The following CRACDL variants were observed in gnomAD, a reference collection of about 807,000 sequenced individuals.
CRACDL encodes the protein CRACD like.
CRACDL carries 26 observed loss-of-function variants against 70.6 expected under a neutral mutation model. The observed-to-expected ratio is 0.37, with a 90% CI of 0.27 to 0.51. CRACDL has a LOEUF of 0.51. CRACDL is among the 20% of genes least tolerant of loss of function. The pLI, the probability that CRACDL is intolerant of heterozygous loss-of-function variation, is 0.94. For synonymous variants in CRACDL, 618 were observed against 615.2 expected, an observed-to-expected ratio of 1.00 and a Z score of -0.07; for missense variants, 1,283 against 1,376.9, an observed-to-expected ratio of 0.93 and a Z score of 1.08.
chr2:98,858,986 G>A (rs142864288), intron 1 of CRACDL, among the ~76,000 whole-genome samples: 1 of 152,182 alleles, frequency 6.6e-6, no homozygotes, highest in African/African-American at 2.4e-5. Flanking sequence ...AAAGAGATTA[G>A]TAATTGTAAA....
intron 7 of CRACDL, among the ~76,000 whole-genome samples, chr2:98,813,625 G>A (rs1704663376): frequency 1.3e-5 from 2 of 151,952 alleles, no homozygotes; most frequent in East Asian, 3.9e-4. Context: ...AAAAATTTTA[G>A]AAAAAAATAT....
chr2:98,895,527 G>A (rs1435428891), intron 1 of CRACDL, among the ~76,000 whole-genome samples: 2 of 152,146 alleles, frequency 1.3e-5, no homozygotes, highest in Non-Finnish European at 2.9e-5. Context: ...AACATAACCT[G>A]CTCAAGGCCC....
chr2:98,812,492 T>C (rs1704615388), intron 7 of CRACDL, among the ~76,000 whole-genome samples: 1 of 152,250 alleles, frequency 6.6e-6, no homozygotes, highest in Non-Finnish European at 1.5e-5. Context: ...GAGAATTGCA[T>C]TTTCTCCACA....
chr2:98,880,242 G>A (rs1030610491), intron 1 of CRACDL, among the ~76,000 whole-genome samples: 2 of 152,214 alleles, frequency 1.3e-5, no homozygotes, highest in African/African-American at 4.8e-5. Context: ...AGAGTGACCA[G>A]AGGAGGACGG....
intron 1 of CRACDL, among the ~76,000 whole-genome samples, chr2:98,859,640 G>C (rs1361623918): frequency 6.6e-6 from 1 of 152,050 alleles, no homozygotes; most frequent in Non-Finnish European, 1.5e-5. Flanking sequence ...AACAAACTAG[G>C]AATTGACAAA....
intron 1 of CRACDL, among the ~76,000 whole-genome samples, chr2:98,905,767 G>A (rs975859676): frequency 6.6e-6 from 1 of 151,940 alleles, no homozygotes; most frequent in Non-Finnish European, 1.5e-5. Context: ...ACAGGCACAT[G>A]CCACCATGCC....
At chr2:98,834,085 T>C (rs1390188484) in intron 3 of CRACDL, among the ~76,000 whole-genome samples, 1 of 152,204 alleles carries the variant, frequency 6.6e-6, no homozygotes, top group East Asian at 1.9e-4. Flanking sequence ...AGGACCTCCC[T>C]GCCAAGGGCA....
chr2:98,932,524 G>A (rs186736357), intron 1 of CRACDL, among the ~76,000 whole-genome samples: 11 of 152,260 alleles, frequency 7.2e-5, no homozygotes, highest in Non-Finnish European at 1.5e-4. Flanking sequence ...CTCTGATGAT[G>A]AGGCAGCAAC....
At chr2:98,804,686 T>C (rs957223666) in intron 7 of CRACDL, among the ~76,000 whole-genome samples, 1 of 152,208 alleles carries the variant, frequency 6.6e-6, no homozygotes, top group Admixed American at 6.5e-5. Flanking sequence ...GGAGATAATG[T>C]GTGTTTCAGA....
chr2:98,837,206 G>GA (rs34735420), intron 3 of CRACDL, among the ~76,000 whole-genome samples: 2,623 of 113,756 alleles, frequency 0.023, 52 homozygotes, highest in Middle Eastern at 0.049. Context: ...ACCCAAAACT[G>GA]AAAAAAAAAA....
chr2:98,831,479 CA>C (rs1010553675), intron 5 of CRACDL, among the ~76,000 whole-genome samples: 14 of 152,212 alleles, frequency 9.2e-5, no homozygotes, highest in African/African-American at 2.9e-4. Context: ...CCAGAGGTGA[CA>C]GGGGAAGGTG....
At chr2:98,891,054 AAAAT>A (rs542567722) in intron 1 of CRACDL, among the ~76,000 whole-genome samples, 12 of 151,800 alleles carry the variant, frequency 7.9e-5, no homozygotes, top group South Asian at 2.1e-4. Context: ...CTCCATCTCA[AAAAT>A]AAATAAATAA....
intron 2 of CRACDL, among the ~76,000 whole-genome samples, chr2:98,838,717 T>TCAG (rs1413039232): frequency 2.6e-5 from 4 of 152,200 alleles, no homozygotes; most frequent in Non-Finnish European, 5.9e-5. Flanking sequence ...CTAGTGTGAA[T>TCAG]ACAGCATCAA....
At chr2:98,805,931 C>T (rs1704272792) in intron 7 of CRACDL, among the ~76,000 whole-genome samples, 1 of 152,248 alleles carries the variant, frequency 6.6e-6, no homozygotes, top group Non-Finnish European at 1.5e-5. Context: ...GGCAGAAAGA[C>T]AAAAGCCACT....
chr2:98,864,084 G>A (rs1292700404), intron 1 of CRACDL, among the ~76,000 whole-genome samples: 1 of 151,990 alleles, frequency 6.6e-6, no homozygotes, highest in African/African-American at 2.4e-5. Context: ...CAACTAAAAC[G>A]TGCACAAAAA....
rs560685640 is a variant in CRACDL, at chr2:98,823,752, T to C, written c.736-215A>G. 8.5e-5 allele frequency among the ~76,000 whole-genome samples: 13 copies of C among 152,256 alleles called. No homozygotes were observed. Among genetic ancestry groups the C allele is most frequent in the Non-Finnish European group, 1.9e-4 (13 of 68,028 alleles). ...TTATCAGGACAATGGCAGATATGCC[T>C]CCAAAGTAAATGTCTACAGCTCCTC... On this transcript the variant is annotated intron_variant, in intron 6 of 9. Coordinates refer to ENST00000397899, the MANE Select transcript of CRACDL (RefSeq NM_207362.3). The surrounding 1 kb of genome is among the most constrained non-coding windows in gnomAD (Gnocchi z 4.0).
intron 1 of CRACDL, among the ~76,000 whole-genome samples, chr2:98,869,591 A>G (rs926911001): frequency 6.6e-6 from 1 of 152,214 alleles, no homozygotes; most frequent in African/African-American, 2.4e-5. Flanking sequence ...AGGAAGAAAG[A>G]GGAATGCTGA....
chr2:98,892,297 T>C (rs1398957945), intron 1 of CRACDL, among the ~76,000 whole-genome samples: 1 of 151,940 alleles, frequency 6.6e-6, no homozygotes, highest in Non-Finnish European at 1.5e-5. Context: ...TATTCCTTGG[T>C]AAGAGAATGA....
chr2:98,841,240 T>G (rs1706013665), intron 2 of CRACDL, among the ~76,000 whole-genome samples: 1 of 152,166 alleles, frequency 6.6e-6, no homozygotes, highest in African/African-American at 2.4e-5. Context: ...CTTTAACTCT[T>G]AACTGGAACA....
Sources: allele counts gnomAD v4.1 joint callset (sites outside exome capture counted in the v4.1 genomes callset), GRCh38; gene constraint gnomAD v4.1.1; non-coding constraint Gnocchi (gnomAD v3.1); transcripts MANE v1.5; gene names NCBI Gene and HGNC (gene_info 2026-07-23, HGNC 2026-07-21).